Variants in SLC2A13 observed in about 807,000 individuals in gnomAD.
The protein encoded by SLC2A13 is proton myo-inositol cotransporter.
SLC2A13 carries 32 observed loss-of-function variants against 64.4 expected under a neutral mutation model. That is an observed-to-expected ratio of 0.50 (90% CI 0.37 to 0.67). The LOEUF is 0.67. Ranked by LOEUF, SLC2A13 falls within the 30% of genes least tolerant of loss-of-function variation. The pLI is 0.00. For missense variants in SLC2A13, 743 were observed against 829.2 expected (o/e 0.90, Z 1.28); for synonymous variants, 338 against 327.1 (o/e 1.03, Z -0.36).
rs1242223779 is a variant in SLC2A13 at position 40,105,622 on chromosome 12, C to T, written c.187G>A (p.Asp63Asn). 9 of 1,495,664 alleles carry T rather than the reference C, an allele frequency of 6.0e-6. No homozygotes were observed. Among genetic ancestry groups the T allele is most frequent in the Non-Finnish European group, 6.2e-6 (7 of 1,126,390 alleles). 92.6% of individuals were successfully genotyped at this position (1,495,664 alleles called of 1,614,324 possible). ...TGCCGCCGCGCCGCGCGCTCCAGGTCCCCGACGCCGCCGCCGCCCGCGCCC... is the reference window on the plus strand; with the variant it reads ...TGCCGCCGCGCCGCGCGCTCCAGGTTCCCGACGCCGCCGCCGCCCGCGCCC... ...SAGAGGGGVG[D>N]LERAARRQFQ... Residue 63 changes from aspartate to asparagine, a missense_variant, in exon 1 of 10, where the codon GAC becomes AAC. Physicochemically the swap from Asp to Asn is conservative, Grantham distance 23. Around this residue, in one of 2 missense-constraint regions of SLC2A13, gnomAD observed 448 missense variants for 447.4 expected, o/e 1.00. Transcript: ENST00000280871. The surrounding 1 kb of genome is among the most constrained non-coding windows in gnomAD (Gnocchi z 4.2).
intron 1 of SLC2A13, among the ~76,000 whole-genome samples, chr12:40,056,699 A>C (rs958887533): frequency 2.3e-4 from 35 of 152,256 alleles, no homozygotes; most frequent in African/African-American, 8.4e-4. Flanking sequence ...AATGAAATGC[A>C]CAAGGAATAT....
chr12:39,851,968 T>C (rs1943482028), intron 6 of SLC2A13, among the ~76,000 whole-genome samples: 1 of 152,236 alleles, frequency 6.6e-6, no homozygotes, highest in South Asian at 2.1e-4. Context: ...GTCTTATATA[T>C]CTTTTATACC....
intron 3 of SLC2A13, among the ~76,000 whole-genome samples, chr12:39,971,622 T>G (rs1474524191): frequency 2.6e-5 from 4 of 152,156 alleles, no homozygotes; most frequent in Admixed American, 6.6e-5. Context: ...TGACACACTC[T>G]ATAACAATCC....
intron 7 of SLC2A13, among the ~76,000 whole-genome samples, chr12:39,803,757 C>A (rs1347261834): frequency 6.6e-6 from 1 of 152,018 alleles, no homozygotes; most frequent in African/African-American, 2.4e-5. Flanking sequence ...ATGTGATGGC[C>A]AGCATGCATC....
At chr12:39,898,267 A>G (rs1408953863) in intron 4 of SLC2A13, among the ~76,000 whole-genome samples, 1 of 152,192 alleles carries the variant, frequency 6.6e-6, no homozygotes, top group Non-Finnish European at 1.5e-5. Flanking sequence ...ACCAATGAAA[A>G]GAAGAAACTC....
At chr12:39,996,564 A>C (rs1947233931) in intron 3 of SLC2A13, among the ~76,000 whole-genome samples, 1 of 152,212 alleles carries the variant, frequency 6.6e-6, no homozygotes, top group Admixed American at 6.5e-5. Flanking sequence ...CAGGCCTAGA[A>C]GGAAAAAGTG....
intron 4 of SLC2A13, among the ~76,000 whole-genome samples, chr12:39,948,515 T>C (rs1448405474): frequency 1.3e-5 from 2 of 152,106 alleles, no homozygotes; most frequent in Non-Finnish European, 2.9e-5. Context: ...CACAGTAAGA[T>C]TATATAACAC....
At chr12:39,918,293 T>A (rs948424506) in intron 4 of SLC2A13, among the ~76,000 whole-genome samples, 11 of 152,000 alleles carry the variant, frequency 7.2e-5, no homozygotes, top group African/African-American at 2.4e-4. Context: ...GGAGCTTTGA[T>A]GTAACTAAAT....
At chr12:40,088,728 G>C (rs146624761) in intron 1 of SLC2A13, among the ~76,000 whole-genome samples, 17 of 152,284 alleles carry the variant, frequency 1.1e-4, no homozygotes, top group African/African-American at 4.1e-4. Flanking sequence ...AGTGTGGTAG[G>C]GGTGTAGCAG....
At chr12:40,094,129 G>C (rs990318447) in intron 1 of SLC2A13, among the ~76,000 whole-genome samples, 7 of 152,170 alleles carry the variant, frequency 4.6e-5, no homozygotes, top group Admixed American at 1.3e-4. Flanking sequence ...TAGCCGACTG[G>C]ATAAGGGGCA....
At chr12:39,977,923 C>T (rs1946793456) in intron 3 of SLC2A13, among the ~76,000 whole-genome samples, 1 of 152,206 alleles carries the variant, frequency 6.6e-6, no homozygotes, top group South Asian at 2.1e-4. Flanking sequence ...ATGCCCATTT[C>T]CCTCCTATCT....
chr12:39,825,226 G>T (rs1024224024), intron 7 of SLC2A13, among the ~76,000 whole-genome samples: 2 of 152,138 alleles, frequency 1.3e-5, no homozygotes, highest in Admixed American at 6.5e-5. Flanking sequence ...TAGTCAGGAG[G>T]TTTGAAGTTT....
At chr12:39,875,994 G>C (rs1467469791) in intron 4 of SLC2A13, among the ~76,000 whole-genome samples, 1 of 152,120 alleles carries the variant, frequency 6.6e-6, no homozygotes, top group Non-Finnish European at 1.5e-5. Context: ...ACTGAAAAAG[G>C]CTTTCTTTCC....
chr12:40,039,153 C>T (rs1230981516), intron 2 of SLC2A13, among the ~76,000 whole-genome samples: 3 of 152,136 alleles, frequency 2.0e-5, no homozygotes, highest in Admixed American at 1.3e-4. Flanking sequence ...ATTATTATTT[C>T]GGATGACTTG....
intron 4 of SLC2A13, 24 bp from the exon 5 acceptor site, chr12:39,871,985 T>C: frequency 6.6e-7 from 1 of 1,522,968 alleles, no homozygotes; most frequent in South Asian, 1.3e-5. Context: ...AATAAAACAA[T>C]TGCTATTGAT....
intron 4 of SLC2A13, chr12:39,907,884 G>C (rs1173265839): frequency 6.6e-6 from 1 of 152,092 alleles, no homozygotes; most frequent in Non-Finnish European, 1.5e-5. Context: ...TGGAGCCTTA[G>C]AATCAATGCT....
intron 4 of SLC2A13, among the ~76,000 whole-genome samples, chr12:39,920,244 A>G (rs7970063): frequency 0.2 from 29,877 of 152,052 alleles, 3,096 homozygotes; most frequent in Non-Finnish European, 0.23. Context: ...AATCAGCCAT[A>G]CCCTAAATAT....
chr12:39,949,163 T>C (rs1425907887), intron 4 of SLC2A13, among the ~76,000 whole-genome samples: 1 of 152,178 alleles, frequency 6.6e-6, no homozygotes, highest in Non-Finnish European at 1.5e-5. Flanking sequence ...TGTCTGAAAT[T>C]ATGTACTGTG....
At chr12:40,009,186 G>A (rs1372673272) in intron 3 of SLC2A13, among the ~76,000 whole-genome samples, 2 of 152,154 alleles carry the variant, frequency 1.3e-5, no homozygotes, top group Admixed American at 1.3e-4. Context: ...AAATGCGTGG[G>A]ATCGATGTGA....
Sources: allele counts gnomAD v4.1 joint callset (sites outside exome capture counted in the v4.1 genomes callset), GRCh38; gene constraint gnomAD v4.1.1; regional missense constraint gnomAD v4.1.1; non-coding constraint Gnocchi (gnomAD v3.1); transcripts MANE v1.5; gene names NCBI Gene and HGNC (gene_info 2026-07-23, HGNC 2026-07-21).